Variants in GNAQ observed in about 807,000 individuals in gnomAD.
GNAQ encodes the protein G protein subunit alpha q, also known as guanine nucleotide-binding protein G(q) subunit alpha.
Under a neutral mutation model 43.9 loss-of-function variants are expected in GNAQ, and 8 were observed. The ratio of observed to expected loss-of-function variants is 0.18; its 90% CI spans 0.11 to 0.33. GNAQ has a LOEUF of 0.33. GNAQ is among the 10% of genes least tolerant of loss of function. The pLI is 1.00. For synonymous variants in GNAQ, 155 were observed against 170.7 expected, an observed-to-expected ratio of 0.91 and a Z score of 0.71; for missense variants, 158 against 450.8, an observed-to-expected ratio of 0.35 and a Z score of 5.88.
intron 1 of GNAQ, among the ~76,000 whole-genome samples, chr9:78,011,178 A>C (rs1289317302): frequency 6.6e-6 from 1 of 152,224 alleles, no homozygotes; most frequent in Non-Finnish European, 1.5e-5. Flanking sequence ...GATGAAGCAA[A>C]GTTCATAGTA....
At chr9:77,806,733 A>T in intron 3 of GNAQ, among the ~76,000 whole-genome samples, 1 of 152,230 alleles carries the variant, frequency 6.6e-6, no homozygotes, top group East Asian at 1.9e-4. Flanking sequence ...TCTATCACTC[A>T]TTCATTCAAC....
intron 2 of GNAQ, among the ~76,000 whole-genome samples, chr9:77,836,848 A>G (rs910470625): frequency 1.3e-5 from 2 of 152,250 alleles, no homozygotes; most frequent in African/African-American, 4.8e-5. Flanking sequence ...AATAGTTGAC[A>G]GTGTAAAAAA....
At chr9:77,925,578 G>A (rs904012610) in intron 1 of GNAQ, among the ~76,000 whole-genome samples, 4 of 152,048 alleles carry the variant, frequency 2.6e-5, no homozygotes, top group African/African-American at 9.7e-5. Flanking sequence ...TCTTCCAATT[G>A]ACCAGCCCTA....
chr9:77,821,225 T>C (rs997447841), intron 2 of GNAQ, among the ~76,000 whole-genome samples: 5 of 152,172 alleles, frequency 3.3e-5, no homozygotes, highest in African/African-American at 1.2e-4. Flanking sequence ...TCAATGACTA[T>C]AGTTATACTG....
At chr9:77,764,851 C>A (rs1360562853) in intron 5 of GNAQ, among the ~76,000 whole-genome samples, 2 of 152,182 alleles carry the variant, frequency 1.3e-5, no homozygotes, top group Non-Finnish European at 2.9e-5. Flanking sequence ...CAACAAGAAC[C>A]AGTGTGTGAT....
At chr9:77,989,808 A>G (rs944532323) in intron 1 of GNAQ, among the ~76,000 whole-genome samples, 1 of 152,226 alleles carries the variant, frequency 6.6e-6, no homozygotes, top group African/African-American at 2.4e-5. Flanking sequence ...ATAGATGATT[A>G]TTAATTTTAT....
intron 1 of GNAQ, among the ~76,000 whole-genome samples, chr9:77,959,172 C>T (rs918041234): frequency 2.0e-5 from 3 of 152,138 alleles, no homozygotes; most frequent in African/African-American, 7.2e-5. Flanking sequence ...GAACCCATTT[C>T]TCCCTAAAAT....
chr9:77,919,046 A>C (rs1828957882), intron 2 of GNAQ, among the ~76,000 whole-genome samples: 1 of 152,050 alleles, frequency 6.6e-6, no homozygotes, highest in Non-Finnish European at 1.5e-5. Context: ...CAGCCTCCCA[A>C]GTAGCTGGGA....
intron 1 of GNAQ, among the ~76,000 whole-genome samples, chr9:77,973,452 A>G (rs1823262503): frequency 6.6e-6 from 1 of 152,202 alleles, no homozygotes; most frequent in South Asian, 2.1e-4. Context: ...CAGCAGAAGG[A>G]GCAGAAATTC....
At chr9:77,837,919 G>A (rs955942994) in intron 2 of GNAQ, among the ~76,000 whole-genome samples, 2 of 149,066 alleles carry the variant, frequency 1.3e-5, no homozygotes, top group African/African-American at 5.0e-5. Flanking sequence ...TGTGATCTCG[G>A]CTCACTGCAA....
At chr9:77,948,296 T>A (rs1250239533) in intron 1 of GNAQ, among the ~76,000 whole-genome samples, 1 of 152,230 alleles carries the variant, frequency 6.6e-6, no homozygotes, top group Non-Finnish European at 1.5e-5. Flanking sequence ...TTTAAACTGA[T>A]GAAGAATTGC....
At chr9:78,012,238 C>CTTT (rs1166567926) in intron 1 of GNAQ, among the ~76,000 whole-genome samples, 15 of 135,162 alleles carry the variant, frequency 1.1e-4, no homozygotes, top group Admixed American at 2.2e-4. Context: ...AAGGCATTTT[C>CTTT]TTTTTTTTTT....
intron 2 of GNAQ, among the ~76,000 whole-genome samples, chr9:77,861,015 T>C (rs1261881551): frequency 6.6e-6 from 1 of 152,234 alleles, no homozygotes; most frequent in Non-Finnish European, 1.5e-5. Flanking sequence ...TTCATGCTGC[T>C]GATGAAGACA....
chr9:77,840,252 A>C (rs1368326223), intron 2 of GNAQ, among the ~76,000 whole-genome samples: 1 of 152,222 alleles, frequency 6.6e-6, no homozygotes, highest in African/African-American at 2.4e-5. Flanking sequence ...TCCTTCAAAA[A>C]ACAATGAATG....
intron 2 of GNAQ, among the ~76,000 whole-genome samples, chr9:77,907,896 GAAAATT>G (rs1255852441): frequency 6.6e-6 from 1 of 152,108 alleles, no homozygotes; most frequent in Non-Finnish European, 1.5e-5. Flanking sequence ...TTTTGCACAA[GAAAATT>G]AAATACATGT....
chr9:77,854,085 C>T (rs1827715346), intron 2 of GNAQ, among the ~76,000 whole-genome samples: 2 of 152,134 alleles, frequency 1.3e-5, no homozygotes, highest in African/African-American at 4.8e-5. Context: ...GGTCACATGC[C>T]TCTCTTACAT....
chr9:77,728,636 C>T lies in GNAQ; in HGVS notation c.767G>A (p.Arg256Lys), dbSNP rs2013373. The change falls in exon 6 of 7, where the codon AGA (arginine) becomes AAA (lysine). Residue 256 changes from arginine to lysine, a missense_variant. By Grantham distance (26) the Arg-to-Lys change is conservative. Coordinates refer to ENST00000286548, the MANE Select transcript of GNAQ (RefSeq NM_002072.5). ...GAACCAGGGGTATGTGATAATTGTT[C>T]TAAAGAGAGCCTTGCTTTCCTCCAT... is the stretch of plus-strand genomic sequence containing the variant. ...NRMEESKALF[R>K]TIITYPWFQN... 6.3e-7 allele frequency: 1 copy of T among 1,598,520 alleles called. No individual in the cohort carries two copies. Among genetic ancestry groups the T allele is most frequent in the Non-Finnish European group, 8.6e-7 (1 of 1,168,346 alleles).
intron 1 of GNAQ, among the ~76,000 whole-genome samples, chr9:77,958,523 G>A (rs1307597104): frequency 6.6e-6 from 1 of 152,184 alleles, no homozygotes; most frequent in Non-Finnish European, 1.5e-5. Flanking sequence ...TTGAAAGTTA[G>A]AAAATTGACA....
intron 2 of GNAQ, among the ~76,000 whole-genome samples, chr9:77,830,900 C>T (rs1299587146): frequency 6.6e-6 from 1 of 151,986 alleles, no homozygotes; most frequent in African/African-American, 2.4e-5. Flanking sequence ...AGAAAAAGTC[C>T]TTTAAAGAAA....
Sources: allele counts gnomAD v4.1 joint callset (sites outside exome capture counted in the v4.1 genomes callset), GRCh38; gene constraint gnomAD v4.1.1; transcripts MANE v1.5; gene names NCBI Gene and HGNC (gene_info 2026-07-23, HGNC 2026-07-21).